The following MRPL45 variants were observed in gnomAD, a reference collection of about 807,000 sequenced individuals.
The protein encoded by MRPL45 is large ribosomal subunit protein mL45.
MRPL45 carries 20 observed loss-of-function variants against 38.1 expected under a neutral mutation model. The observed-to-expected ratio is 0.53, with a 90% confidence interval of 0.37 to 0.76. MRPL45 has a LOEUF of 0.76. Among genes scored for constraint, MRPL45 ranks in the 30% least tolerant of loss-of-function variants. The probability of loss-of-function intolerance (pLI) is 0.00; values close to 1 mark genes in which losing one functional copy is unlikely to be tolerated. For missense variants in MRPL45, 337 were observed against 395.6 expected (o/e 0.85, Z 1.26); for synonymous variants, 105 against 128.8 (o/e 0.82, Z 1.25).
intron 4 of MRPL45, among the ~76,000 whole-genome samples, chr17:38,315,874 G>A (rs1181025318): frequency 1.3e-5 from 2 of 151,884 alleles, no homozygotes; most frequent in African/African-American, 4.8e-5. Context: ...CCAGGTTCAA[G>A]TGATTCTCCT....
At chr17:38,314,547 T>C (rs1026539365) in intron 4 of MRPL45, among the ~76,000 whole-genome samples, 2 of 152,242 alleles carry the variant, frequency 1.3e-5, no homozygotes, top group African/African-American at 4.8e-5. Flanking sequence ...AAATCCAGTG[T>C]CATGAAGTAT....
chr17:38,322,078 T>G, intron 6 of MRPL45, 48 bp from the exon 7 acceptor site: 5 of 1,554,862 alleles, frequency 3.2e-6, no homozygotes, highest in Non-Finnish European at 4.4e-6. Context: ...CAACTCACAC[T>G]CACACACCAA....
intron 6 of MRPL45, among the ~76,000 whole-genome samples, chr17:38,321,873 A>G (rs1264834901): frequency 2.0e-5 from 3 of 151,308 alleles, no homozygotes; most frequent in African/African-American, 7.3e-5. Context: ...ACTAAAAAAG[A>G]CAAAAAAAAT....
chr17:38,313,361 TATATACGTATATATATATATATAC>T (rs2037142631), intron 4 of MRPL45, among the ~76,000 whole-genome samples: 13 of 20,896 alleles, frequency 6.2e-4, no homozygotes, highest in African/African-American at 2.5e-3. Flanking sequence ...TATATATATA[TATATACGTATATATATATATATAC>T]ATATATATAT....
chr17:38,299,762 G>GT (rs1290967335), intron 3 of MRPL45, among the ~76,000 whole-genome samples: 1 of 151,040 alleles, frequency 6.6e-6, no homozygotes, highest in African/African-American at 2.4e-5. Flanking sequence ...TTGAGATGGA[G>GT]TTTCGCTCTT....
chr17:38,322,355 C>T (rs1354368386), intron 7 of MRPL45, 56 bp downstream of exon 7: 27 of 1,578,220 alleles, frequency 1.7e-5, no homozygotes, highest in Non-Finnish European at 1.7e-6. Flanking sequence ...GTCTCCTAAG[C>T]CACTCTGTCG....
chr17:38,312,987 T>TTC (rs1378166149), intron 4 of MRPL45, among the ~76,000 whole-genome samples: 6 of 140,760 alleles, frequency 4.3e-5, no homozygotes, highest in Non-Finnish European at 7.8e-5. Context: ...TTTATTGGTT[T>TTC]TTTTTTTTTT....
intron 2 of MRPL45, among the ~76,000 whole-genome samples, chr17:38,299,130 C>T (rs1049427603): frequency 2.7e-4 from 41 of 152,016 alleles, no homozygotes; most frequent in African/African-American, 7.7e-4. Flanking sequence ...CTTTGTGATC[C>T]GCCCGCCTCG....
Position 38,318,682 on chromosome 17 carries a change from TC to T in MRPL45, c.462-4del. 1 of 1,603,124 alleles carries T rather than the reference TC, an allele frequency of 6.2e-7. No homozygotes were observed. The highest frequency in any genetic ancestry group is 8.5e-7 in the Non-Finnish European group (1 of 1,170,454). On this transcript the variant is annotated splice_region_variant and splice_polypyrimidine_tract_variant and intron_variant, in intron 4 of 7. Transcript: ENST00000613675. The stretch of plus-strand genomic sequence containing the variant: ...GTCAATGATATTTATTGCTTTCTTT[TC>T]TAGCTCAGACCATGACCGGCTTCAT...
At chr17:38,317,569 T>G (rs1391607535) in intron 4 of MRPL45, among the ~76,000 whole-genome samples, 1 of 151,968 alleles carries the variant, frequency 6.6e-6, no homozygotes, top group Non-Finnish European at 1.5e-5. Flanking sequence ...GTGTTTTTTT[T>G]GTTTTGTTTT....
intron 4 of MRPL45, among the ~76,000 whole-genome samples, chr17:38,309,793 T>C (rs1228647774): frequency 4.0e-5 from 6 of 151,754 alleles, no homozygotes; most frequent in Non-Finnish European, 7.4e-5. Flanking sequence ...TGGGTTCATA[T>C]TGCTTCTTAA....
chr17:38,322,648 T>C lies in MRPL45; in HGVS notation c.*53T>C. On this transcript the variant is annotated 3_prime_UTR_variant, in exon 8 of 8. Transcript: ENST00000613675. ...CTGGGTGATGAGGCTGCTGGAAGCT[T>C]TGAAGTCTCCCATTCCCCTCATGCT... 2 of 1,401,424 alleles carry C rather than the reference T, an allele frequency of 1.4e-6. No individual in the cohort carries two copies. The highest frequency in any genetic ancestry group is 2.0e-6 in the Non-Finnish European group (2 of 998,754). The allele number at this position is 1,401,424 out of a possible 1,614,324, so 86.8% of individuals were successfully genotyped here.
At chr17:38,319,391 A>T (rs2037208628) in intron 5 of MRPL45, among the ~76,000 whole-genome samples, 1 of 150,288 alleles carries the variant, frequency 6.7e-6, no homozygotes, top group South Asian at 2.1e-4. Context: ...CTGGTCTCCA[A>T]CTCCCGACCT....
At chr17:38,309,916 A>ATG (rs2037093803) in intron 4 of MRPL45, among the ~76,000 whole-genome samples, 1 of 152,064 alleles carries the variant, frequency 6.6e-6, no homozygotes, top group Admixed American at 6.6e-5. Flanking sequence ...GAATACACAT[A>ATG]TGTTAGATCT....
intron 3 of MRPL45, among the ~76,000 whole-genome samples, chr17:38,301,665 C>T (rs948867808): frequency 6.6e-5 from 10 of 152,212 alleles, no homozygotes; most frequent in African/African-American, 2.2e-4. Flanking sequence ...ATGTATTTCT[C>T]TCCTGGACTG....
At chr17:38,316,320 G>A (rs77175626) in intron 4 of MRPL45, among the ~76,000 whole-genome samples, 1 of 151,920 alleles carries the variant, frequency 6.6e-6, no homozygotes, top group African/African-American at 2.4e-5. Flanking sequence ...AAAATTTATT[G>A]TACTTTTTAG....
chr17:38,318,962 G>C (rs1388970187), intron 5 of MRPL45, among the ~76,000 whole-genome samples: 4 of 150,158 alleles, frequency 2.7e-5, no homozygotes, highest in African/African-American at 7.4e-5. Context: ...CAAGTAGCTG[G>C]GATTACAGGC....
intron 4 of MRPL45, among the ~76,000 whole-genome samples, chr17:38,316,445 A>C (rs2037173620): frequency 6.6e-6 from 1 of 152,038 alleles, no homozygotes; most frequent in South Asian, 2.1e-4. Context: ...CATTGGACAT[A>C]TTTAGGACAA....
Position 38,297,980 on chromosome 17 carries a change from C to T in MRPL45, c.67-469C>T, listed in dbSNP as rs145648904. ...AGATGCGATGGCGCACTCCTTAGTC[C>T]CAGCTACTTGGGAGGCTGCGGTGGG... On this transcript the variant is annotated intron_variant, in intron 1 of 7. Coordinates refer to ENST00000613675, the MANE Select transcript of MRPL45 (RefSeq NM_032351.6). 3.6e-3 allele frequency among the ~76,000 whole-genome samples: 548 copies of T among 152,232 alleles called. 3 individuals are homozygous for T. The highest frequency in any genetic ancestry group is 0.012 in the African/African-American group (511 of 41,528).
Sources: allele counts gnomAD v4.1 joint callset (sites outside exome capture counted in the v4.1 genomes callset), GRCh38; gene constraint gnomAD v4.1.1; transcripts MANE v1.5; gene names NCBI Gene and HGNC (gene_info 2026-07-23, HGNC 2026-07-21).